Variants in ASPRV1 observed in about 807,000 individuals in gnomAD.
ASPRV1 encodes retroviral-like aspartic protease 1.
A neutral mutation model predicts 11.0 loss-of-function variants in ASPRV1; 7 were observed. That is an observed-to-expected ratio of 0.64 (90% CI 0.36 to 1.20). The LOEUF (loss-of-function observed/expected upper bound fraction) is 1.20, where lower values mean the gene tolerates loss of function less well. Among genes scored for constraint, ASPRV1 ranks in the 50% most tolerant of loss-of-function variants. The pLI is 0.02. For synonymous variants in ASPRV1, 136 were observed against 138.4 expected (o/e 0.98, Z 0.12); for missense variants, 299 against 320.0 (o/e 0.93, Z 0.50).
the ASPRV1 span, among the ~76,000 whole-genome samples, chr2:70,066,847 C>T: frequency 7.5e-4 from 114 of 152,190 alleles, 1 homozygote; most frequent in South Asian, 2.9e-3. Flanking sequence ...ACCTCGGCCT[C>T]CCAAATTGCT....
At chr2:69,994,957 G>A in the ASPRV1 span, among the ~76,000 whole-genome samples, 7 of 148,150 alleles carry the variant, frequency 4.7e-5, no homozygotes, top group East Asian at 2.1e-4. Flanking sequence ...AGCCGAGATC[G>A]CGCCGCTGCA....
the ASPRV1 span, among the ~76,000 whole-genome samples, chr2:69,949,350 C>T: frequency 6.6e-6 from 1 of 152,148 alleles, no homozygotes; most frequent in African/African-American, 2.4e-5. Context: ...AGGCTCAGAG[C>T]TAAGGCAGGA....
chr2:70,068,297 G>C, the ASPRV1 span, among the ~76,000 whole-genome samples: 1 of 152,250 alleles, frequency 6.6e-6, no homozygotes. Flanking sequence ...CTGGAGTGCT[G>C]AGGAATGGGG....
At chr2:70,024,269 T>C in the ASPRV1 span, among the ~76,000 whole-genome samples, 1 of 152,178 alleles carries the variant, frequency 6.6e-6, no homozygotes, top group Non-Finnish European at 1.5e-5. Context: ...GTTTGGGTAA[T>C]ACTTAATAGT....
chr2:70,023,608 A>T, the ASPRV1 span, among the ~76,000 whole-genome samples: 2 of 150,732 alleles, frequency 1.3e-5, no homozygotes, highest in Non-Finnish European at 2.9e-5. Context: ...CGGGAGGCAG[A>T]GGTTGCAGTG....
At chr2:69,972,627 G>A in the ASPRV1 span, among the ~76,000 whole-genome samples, 1 of 152,138 alleles carries the variant, frequency 6.6e-6, no homozygotes, top group Non-Finnish European at 1.5e-5. Context: ...TAAAGTGCTG[G>A]GATTACAGGC....
At chr2:70,045,454 C>G in the ASPRV1 span, 2 of 152,286 alleles carry the variant, frequency 1.3e-5, no homozygotes, top group African/African-American at 4.8e-5. Context: ...TTATCATGTA[C>G]CTGGTATCCT....
the ASPRV1 span, among the ~76,000 whole-genome samples, chr2:70,083,854 T>G: frequency 3.3e-5 from 5 of 152,166 alleles, no homozygotes; most frequent in African/African-American, 1.2e-4. Flanking sequence ...AAGGGAGAAC[T>G]GAAACCCTGA....
chr2:70,061,318 C>T, the ASPRV1 span, among the ~76,000 whole-genome samples: 11 of 150,516 alleles, frequency 7.3e-5, no homozygotes, highest in Non-Finnish European at 1.2e-4. Context: ...TCGCTTGAAC[C>T]TGGGAGGCAG....
At chr2:70,057,068 A>G in the ASPRV1 span, among the ~76,000 whole-genome samples, 4 of 151,734 alleles carry the variant, frequency 2.6e-5, no homozygotes, top group East Asian at 1.9e-4. Context: ...GGTAATGTTC[A>G]TATGTGAAAA....
the ASPRV1 span, chr2:70,032,329 A>G: frequency 6.6e-6 from 1 of 152,156 alleles, no homozygotes. Context: ...TCAGCTGCTC[A>G]GACACCTTGG....
At chr2:70,032,616 C>G in the ASPRV1 span, among the ~76,000 whole-genome samples, 1 of 152,138 alleles carries the variant, frequency 6.6e-6, no homozygotes, top group Non-Finnish European at 1.5e-5. Context: ...CATGATTGCA[C>G]TACTGCACTT....
At chr2:70,038,210 G>C in the ASPRV1 span, among the ~76,000 whole-genome samples, 3 of 152,216 alleles carry the variant, frequency 2.0e-5, no homozygotes, top group Non-Finnish European at 4.4e-5. Flanking sequence ...TAATGGAAAA[G>C]TAAACATCAG....
At chr2:70,044,457 A>ATGTTT in the ASPRV1 span, among the ~76,000 whole-genome samples, 83 of 152,126 alleles carry the variant, frequency 5.5e-4, no homozygotes, top group Admixed American at 1.5e-3. Flanking sequence ...GAGACACCTA[A>ATGTTT]TGTTTTGTTT....
At chr2:70,058,309 C>G in the ASPRV1 span, among the ~76,000 whole-genome samples, 1 of 152,096 alleles carries the variant, frequency 6.6e-6, no homozygotes, top group Non-Finnish European at 1.5e-5. Flanking sequence ...ACCTCCACCT[C>G]TTGGGTTCAA....
chr2:69,965,120 T>G (rs1035400084), upstream of ASPRV1, among the ~76,000 whole-genome samples: 5 of 152,308 alleles, frequency 3.3e-5, no homozygotes, highest in East Asian at 7.7e-4. Context: ...TGATCTCGGC[T>G]CACTGCAACC....
the ASPRV1 span, chr2:69,942,382 T>TA: frequency 6.6e-6 from 1 of 152,166 alleles, no homozygotes; most frequent in Non-Finnish European, 1.5e-5. Context: ...TTATCAATAT[T>TA]ACATGGATGA....
chr2:69,988,691 TATA>T, the ASPRV1 span: 2 of 445,060 alleles, frequency 4.5e-6, no homozygotes, highest in African/African-American at 4.0e-5. Context: ...TTATGTTATA[TATA>T]TTTTACCACA....
chr2:70,037,038 C>A, the ASPRV1 span, among the ~76,000 whole-genome samples: 2 of 152,194 alleles, frequency 1.3e-5, no homozygotes, highest in Non-Finnish European at 2.9e-5. Flanking sequence ...GGAGTCTCCA[C>A]TCCCACCTAT....
Sources: gnomAD v4.1 joint callset for allele counts (sites outside exome capture counted in the v4.1 genomes callset) on GRCh38, gnomAD v4.1.1 for gene constraint, MANE v1.5 for transcripts, NCBI Gene and HGNC (gene_info 2026-07-23, HGNC 2026-07-21) for gene names.